BRF1: variants seen among roughly 807,000 people sequenced by gnomAD.
BRF1 encodes transcription factor IIIB 90 kDa subunit.
BRF1 carries 59 observed loss-of-function variants against 81.7 expected under a neutral mutation model. The observed-to-expected ratio is 0.72, with a 90% CI of 0.59 to 0.90. The LOEUF (loss-of-function observed/expected upper bound fraction) is 0.90, where lower values mean the gene tolerates loss of function less well. Among genes scored for constraint, BRF1 ranks in the 40% least tolerant of loss-of-function variants. The probability of loss-of-function intolerance (pLI) is 0.00; values close to 1 mark genes in which losing one functional copy is unlikely to be tolerated. For synonymous variants in BRF1, 491 were observed against 395.6 expected, an observed-to-expected ratio of 1.24 and a Z score of -2.86; for missense variants, 1,050 against 936.3, an observed-to-expected ratio of 1.12 and a Z score of -1.58.
Position 105,209,590 on chromosome 14 carries a change from G to A in BRF1, c.*961C>T, listed in dbSNP as rs1349147005. 3 of 702,328 alleles carry A rather than the reference G, an allele frequency of 4.3e-6. No individual in the cohort carries two copies. Among genetic ancestry groups the A allele is most frequent in the South Asian group, 1.5e-5 (1 of 67,596 alleles). 43.5% of individuals were successfully genotyped at this position (702,328 alleles called of 1,614,324 possible). A position where few individuals can be genotyped will look rare whatever the true frequency, so the allele number is the denominator to read the frequency against. On this transcript the variant is annotated 3_prime_UTR_variant, in exon 18 of 18. Transcript: ENST00000547530. ...GCTGAGACCTCCTACGAGTGGTACTGGGGCCTTCCCACGAAGAGGCCTGGG... is the reference window on the plus strand; with the variant it reads ...GCTGAGACCTCCTACGAGTGGTACTAGGGCCTTCCCACGAAGAGGCCTGGG...
In BRF1 at chr14:105,268,127, A is replaced by G. The variant is rs587740083; in HGVS notation, c.439+4594T>C. On this transcript the variant is annotated intron_variant, in intron 3 of 17. Coordinates refer to ENST00000547530, the MANE Select transcript of BRF1 (RefSeq NM_001519.4). ...TCACCATCCCAAGATGCCCTCTCAC[A>G]TGCAGGCCTAGGGCAGCCTGGCTGG... Among the ~76,000 whole-genome samples the G allele has an allele frequency of 2.0e-5, 3 of 152,378 alleles. No individual in the cohort carries two copies. In the South Asian group the frequency reaches 6.2e-4, roughly 32 times the overall value.
chr14:105,249,958 C>G, intron 5 of BRF1: 5 of 1,612,220 alleles, frequency 3.1e-6, no homozygotes, highest in Non-Finnish European at 4.2e-6. Flanking sequence ...AGGCGGTGGT[C>G]TTCGAGGCCG....
chr14:105,219,153 C>T lies in BRF1; in HGVS notation c.1457G>A (p.Arg486Lys). 3 of 1,612,360 alleles carry T rather than the reference C, an allele frequency of 1.9e-6. No individual in the cohort carries two copies. Among genetic ancestry groups the T allele is most frequent in the South Asian group, 1.1e-5 (1 of 91,034 alleles). Residue 486 changes from arginine (R) to lysine (K), a missense_variant and splice_region_variant, in exon 13 of 18, where the codon AGG (arginine) becomes AAG (lysine). By Grantham distance (26) the Arg-to-Lys change is conservative. Around this residue, in one of 2 missense-constraint regions of BRF1, gnomAD observed 1,043 missense variants for 915.4 expected, o/e 1.14. Transcript: ENST00000547530. ...RENAEYLREQ[R>K]EKEARIAKEK... The stretch of plus-strand genomic sequence containing the variant: ...GAGTGTGGGCGGGTGGCGCTTACCC[C>T]TCTGTTCCCGCAGGTACTCGGCGTT...
At chr14:105,278,109 C>G (rs181815165) in intron 2 of BRF1, among the ~76,000 whole-genome samples, 14 of 152,282 alleles carry the variant, frequency 9.2e-5, no homozygotes. Flanking sequence ...ATTAGCTAGC[C>G]ATAGCCTGCG....
At chr14:105,262,300 C>T (rs1323624850) in intron 3 of BRF1, among the ~76,000 whole-genome samples, 1 of 152,198 alleles carries the variant, frequency 6.6e-6, no homozygotes, top group East Asian at 1.9e-4. Flanking sequence ...CAGAGACCAC[C>T]CTGCTCCTCC....
At position 105,217,696 on chromosome 14, in the gene BRF1, A is replaced by G. The variant is rs1891562808; in HGVS notation, c.1620T>C (p.Tyr540=). Residue 540 remains tyrosine, a synonymous_variant, in exon 15 of 18, where the codon TAT becomes TAC. Transcript: ENST00000547530. ...CGCTGCTGAGGCCCCGGAGCACGCT[A>G]TAATTGATCTTGCTGGAGATCTTCT... ...EQKKISSKIN[Y]SVLRGLSSAG... The G allele has an allele frequency of 3.1e-6, 5 of 1,613,394 alleles. No individual in the cohort carries two copies. Among genetic ancestry groups the G allele is most frequent in the Non-Finnish European group, 4.2e-6 (5 of 1,180,016 alleles).
chr14:105,248,636 C>T (rs1034114754), intron 5 of BRF1: 6 of 979,528 alleles, frequency 6.1e-6, no homozygotes, highest in Admixed American at 1.3e-4. Context: ...CTAGGCTGGG[C>T]TCGGGCAGGG....
intron 1 of BRF1, among the ~76,000 whole-genome samples, chr14:105,308,781 A>G (rs1242347110): frequency 6.6e-6 from 1 of 151,870 alleles, no homozygotes; most frequent in African/African-American, 2.4e-5. Context: ...GTGCCCAGCC[A>G]TGACTTTGTC....
chr14:105,247,072 T>C, intron 5 of BRF1: 1 of 985,452 alleles, frequency 1.0e-6, no homozygotes, highest in East Asian at 1.1e-4. Flanking sequence ...GCCCGTTACC[T>C]TTTTCTATGG....
intron 1 of BRF1, chr14:105,314,965 T>TTTGTTC: frequency 8.3e-7 from 1 of 1,203,962 alleles, no homozygotes; most frequent in African/African-American, 1.6e-5. Flanking sequence ...CCCGGCGCGC[T>TTTGTTC]CAACACGCCC....
At chr14:105,303,224 C>T (rs954678191), upstream of BRF1, among the ~76,000 whole-genome samples, 4 of 151,814 alleles carry the variant, frequency 2.6e-5, no homozygotes, top group Non-Finnish European at 5.9e-5. Context: ...CCAATGCACC[C>T]GGCCCCTTTT....
At chr14:105,216,119 T>C (rs1403228725) in intron 15 of BRF1, among the ~76,000 whole-genome samples, 1 of 151,946 alleles carries the variant, frequency 6.6e-6, no homozygotes, top group African/African-American at 2.4e-5. Flanking sequence ...ACACACTGCA[T>C]GCACACAGAT....
chr14:105,260,189 C>T (rs903126640), intron 3 of BRF1, among the ~76,000 whole-genome samples: 1 of 152,092 alleles, frequency 6.6e-6, no homozygotes, highest in Non-Finnish European at 1.5e-5. Flanking sequence ...GACCCAGGAA[C>T]GATGCTCACC....
intron 15 of BRF1, among the ~76,000 whole-genome samples, chr14:105,216,475 G>A (rs1388633795): frequency 2.6e-5 from 4 of 152,228 alleles, no homozygotes; most frequent in African/African-American, 9.6e-5. Flanking sequence ...CCAGTGCATG[G>A]CTGATGTGGA....
At chr14:105,304,090 C>T (rs1050212539), upstream of BRF1, among the ~76,000 whole-genome samples, 9 of 152,172 alleles carry the variant, frequency 5.9e-5, no homozygotes, top group South Asian at 2.1e-4. Flanking sequence ...CAGGCCACAG[C>T]GGTGCAGGAC....
At chr14:105,286,180 A>G in intron 2 of BRF1, 116 bp downstream of exon 2, 1 of 1,168,452 alleles carries the variant, frequency 8.6e-7, no homozygotes. Flanking sequence ...GTGCAGGGTG[A>G]CGAGGAAGTG....
chr14:105,215,236 C>A (rs1042263790), intron 15 of BRF1, among the ~76,000 whole-genome samples: 7 of 151,812 alleles, frequency 4.6e-5, no homozygotes, highest in African/African-American at 1.7e-4. Flanking sequence ...CCCACGCACA[C>A]AGAGAAACAC....
chr14:105,265,825 C>T (rs998944809), intron 3 of BRF1, among the ~76,000 whole-genome samples: 13 of 150,302 alleles, frequency 8.6e-5, no homozygotes, highest in South Asian at 2.1e-4. Context: ...GGTGTGAACC[C>T]GCGAGGCAGA....
intron 2 of BRF1, among the ~76,000 whole-genome samples, chr14:105,283,285 G>A (rs913172296): frequency 2.0e-5 from 3 of 152,152 alleles, no homozygotes; most frequent in Admixed American, 6.5e-5. Context: ...AGGCAGGAGC[G>A]GTGCCTGGCC....
Sources: gnomAD v4.1 joint callset for allele counts (sites outside exome capture counted in the v4.1 genomes callset) on GRCh38, gnomAD v4.1.1 for gene constraint, gnomAD v4.1.1 regional missense constraint, MANE v1.5 for transcripts, NCBI Gene and HGNC (gene_info 2026-07-23, HGNC 2026-07-21) for gene names.